Variants in RSRC1 observed in about 807,000 individuals in gnomAD.
The protein encoded by RSRC1 is serine/Arginine-related protein 53.
In RSRC1, 39 loss-of-function variants were observed where a neutral mutation model predicts 49.1. The observed-to-expected ratio is 0.79, with a 90% CI of 0.61 to 1.04. The LOEUF is 1.04. Among genes scored for constraint, RSRC1 ranks in the 50% least tolerant of loss-of-function variants. The probability of loss-of-function intolerance (pLI) is 0.00; values close to 1 mark genes in which losing one functional copy is unlikely to be tolerated. For synonymous variants in RSRC1, 143 were observed against 130.8 expected, an observed-to-expected ratio of 1.09 and a Z score of -0.63; for missense variants, 388 against 402.4, an observed-to-expected ratio of 0.96 and a Z score of 0.31.
chr3:158,499,233 C>T (rs1206057407), intron 7 of RSRC1, among the ~76,000 whole-genome samples: 2 of 151,964 alleles, frequency 1.3e-5, no homozygotes, highest in Non-Finnish European at 2.9e-5. Flanking sequence ...AAAAATTAGC[C>T]AGGCGTGGTG....
chr3:158,378,783 TTTCTCAGCA>T (rs1481024899), intron 6 of RSRC1, among the ~76,000 whole-genome samples: 1 of 152,080 alleles, frequency 6.6e-6, no homozygotes, highest in Admixed American at 6.5e-5. Flanking sequence ...ACCACAGGGT[TTTCTCAGCA>T]ATTCAGCCAT....
intron 6 of RSRC1, among the ~76,000 whole-genome samples, chr3:158,428,340 G>A (rs1257586342): frequency 1.3e-5 from 2 of 151,782 alleles, no homozygotes; most frequent in African/African-American, 4.8e-5. Flanking sequence ...TATCCTCATT[G>A]TTAATCTATT....
chr3:158,254,484 T>C (rs1724415554), intron 4 of RSRC1, among the ~76,000 whole-genome samples: 1 of 152,098 alleles, frequency 6.6e-6, no homozygotes, highest in Admixed American at 6.5e-5. Context: ...CAGGCTGGAG[T>C]GCAGTGGTGC....
intron 4 of RSRC1, among the ~76,000 whole-genome samples, chr3:158,210,891 G>A (rs1721635103): frequency 6.6e-6 from 1 of 152,014 alleles, no homozygotes; most frequent in African/African-American, 2.4e-5. Flanking sequence ...AATGGGATTT[G>A]ACTTGAATTA....
At chr3:158,121,068 T>G in intron 1 of RSRC1, among the ~76,000 whole-genome samples, 1 of 151,930 alleles carries the variant, frequency 6.6e-6, no homozygotes, top group African/African-American at 2.4e-5. Context: ...CTATATTTTA[T>G]ATTATGAAAA....
At chr3:158,505,429 A>G (rs1306286614) in intron 7 of RSRC1, among the ~76,000 whole-genome samples, 3 of 152,124 alleles carry the variant, frequency 2.0e-5, no homozygotes, top group Non-Finnish European at 4.4e-5. Flanking sequence ...ATATTTACTG[A>G]TTCCCCACTG....
At chr3:158,238,914 A>G (rs930868936) in intron 4 of RSRC1, among the ~76,000 whole-genome samples, 3 of 152,220 alleles carry the variant, frequency 2.0e-5, no homozygotes, top group Non-Finnish European at 2.9e-5. Context: ...AGAAACTACC[A>G]TCAGAGTCTA....
chr3:158,258,144 C>G (rs1019689960), intron 4 of RSRC1, among the ~76,000 whole-genome samples: 9 of 149,216 alleles, frequency 6.0e-5, no homozygotes, highest in African/African-American at 2.2e-4. Flanking sequence ...GAGTTTTAAA[C>G]CTTCAGATGA....
intron 7 of RSRC1, among the ~76,000 whole-genome samples, chr3:158,499,745 C>T (rs573585235): frequency 3.9e-5 from 6 of 152,126 alleles, no homozygotes; most frequent in African/African-American, 9.7e-5. Context: ...ATTATTTTAT[C>T]GGTTCTAGGA....
chr3:158,531,627 A>G (rs1712406700), intron 7 of RSRC1, among the ~76,000 whole-genome samples: 1 of 151,508 alleles, frequency 6.6e-6, no homozygotes, highest in East Asian at 2.0e-4. Context: ...GCCCTATTCC[A>G]CTTAAGGAGT....
intron 6 of RSRC1, among the ~76,000 whole-genome samples, chr3:158,393,562 A>G (rs909525327): frequency 2.4e-4 from 37 of 152,060 alleles, no homozygotes; most frequent in African/African-American, 8.7e-4. Flanking sequence ...TAGAAAATCT[A>G]CAAGAAACTG....
At chr3:158,258,338 G>GT (rs1175791024) in intron 4 of RSRC1, among the ~76,000 whole-genome samples, 118 of 136,278 alleles carry the variant, frequency 8.7e-4, no homozygotes, top group East Asian at 5.6e-3. Context: ...TAGGATAAAA[G>GT]TTTTTTTTTT....
At chr3:158,329,005 A>T (rs561116813) in intron 5 of RSRC1, among the ~76,000 whole-genome samples, 2 of 152,214 alleles carry the variant, frequency 1.3e-5, no homozygotes, top group East Asian at 1.9e-4. Context: ...CATCCCTGAT[A>T]CCCTTTCTTC....
chr3:158,238,700 T>G (rs1027589190), intron 4 of RSRC1, among the ~76,000 whole-genome samples: 2 of 152,190 alleles, frequency 1.3e-5, no homozygotes, highest in African/African-American at 4.8e-5. Flanking sequence ...TCCTTACACC[T>G]TATACAAAAA....
intron 3 of RSRC1, among the ~76,000 whole-genome samples, chr3:158,182,415 G>A (rs1172930330): frequency 1.3e-5 from 2 of 152,174 alleles, no homozygotes; most frequent in African/African-American, 4.8e-5. Flanking sequence ...GTGGGCCCCA[G>A]ATTATAAATT....
At chr3:158,495,733 C>T (rs1739291896) in intron 7 of RSRC1, among the ~76,000 whole-genome samples, 1 of 152,158 alleles carries the variant, frequency 6.6e-6, no homozygotes, top group South Asian at 2.1e-4. Context: ...CAAATCCAGC[C>T]CACCACCAAG....
At chr3:158,431,846 T>C (rs1735784713) in intron 6 of RSRC1, among the ~76,000 whole-genome samples, 1 of 151,980 alleles carries the variant, frequency 6.6e-6, no homozygotes, top group Admixed American at 6.6e-5. Flanking sequence ...CTCTGAAATA[T>C]ATCTTAGATG....
intron 7 of RSRC1, among the ~76,000 whole-genome samples, chr3:158,477,138 A>C (rs1738401731): frequency 6.6e-6 from 1 of 152,184 alleles, no homozygotes; most frequent in African/African-American, 2.4e-5. Flanking sequence ...ATGGATGAGC[A>C]AAGAAAGTGG....
chr3:158,470,369 T>C (rs959797876), intron 7 of RSRC1, among the ~76,000 whole-genome samples: 2,015 of 146,314 alleles, frequency 0.014, 47 homozygotes, highest in African/African-American at 0.046. Context: ...CACATATATA[T>C]ATATATATAT....
Sources: gnomAD v4.1 joint callset for allele counts (sites outside exome capture counted in the v4.1 genomes callset) on GRCh38, gnomAD v4.1.1 for gene constraint, MANE v1.5 for transcripts, NCBI Gene and HGNC (gene_info 2026-07-23, HGNC 2026-07-21) for gene names.